RPTOR: variants seen among roughly 807,000 people sequenced by gnomAD.
RPTOR encodes regulatory-associated protein of mTOR.
In RPTOR, 21 loss-of-function variants were observed where a neutral mutation model predicts 169.9. The ratio of observed to expected loss-of-function variants is 0.12; its 90% confidence interval spans 0.09 to 0.18. The LOEUF (loss-of-function observed/expected upper bound fraction) is 0.18, where lower values mean the gene tolerates loss of function less well. Ranked by LOEUF, RPTOR falls within the 10% of genes least tolerant of loss-of-function variation. The probability of loss-of-function intolerance (pLI) is 1.00; values close to 1 mark genes in which losing one functional copy is unlikely to be tolerated. For synonymous variants in RPTOR, 732 were observed against 753.2 expected, an observed-to-expected ratio of 0.97 and a Z score of 0.46; for missense variants, 1,133 against 1,855.9, an observed-to-expected ratio of 0.61 and a Z score of 7.16.
At position 80,860,105 on chromosome 17, in the gene RPTOR, A is replaced by AC. The variant is rs1350435588; in HGVS notation, c.1509+2205_1509+2206insC. On this transcript the variant is annotated intron_variant, in intron 13 of 33. Transcript: ENST00000306801. The surrounding 1 kb of genome is among the most constrained non-coding windows in gnomAD (Gnocchi z 5.8). ...GGTGAGGGGAGAGTGGACGGAGCTTAAGCCCCCGGGGCTCCTGCCTGCTGC... is the reference window on the plus strand; with the variant it reads ...GGTGAGGGGAGAGTGGACGGAGCTTACAGCCCCCGGGGCTCCTGCCTGCTGC... 3.2e-4 allele frequency among the ~76,000 whole-genome samples: 48 copies of AC among 152,270 alleles called. No individual in the cohort carries two copies. The highest frequency in any genetic ancestry group is 1.2e-3 in the African/African-American group (48 of 41,542).
intron 13 of RPTOR, among the ~76,000 whole-genome samples, chr17:80,858,593 G>T (rs1045670729): frequency 6.6e-6 from 1 of 152,204 alleles, no homozygotes; most frequent in African/African-American, 2.4e-5. Flanking sequence ...CTGTTGTGAG[G>T]CAGGGTCACC....
intron 2 of RPTOR, among the ~76,000 whole-genome samples, chr17:80,635,042 A>G (rs1447069205): frequency 6.6e-6 from 1 of 152,090 alleles, no homozygotes; most frequent in Admixed American, 6.5e-5. Flanking sequence ...GGGGTTTTCC[A>G]TATTTGTAGC....
intron 1 of RPTOR, among the ~76,000 whole-genome samples, chr17:80,614,986 T>C (rs1206946414): frequency 6.6e-6 from 1 of 152,198 alleles, no homozygotes; most frequent in Non-Finnish European, 1.5e-5. Flanking sequence ...TAGGATTCCT[T>C]TGAATAGTTG....
intron 13 of RPTOR, among the ~76,000 whole-genome samples, chr17:80,874,020 C>T (rs994387953): frequency 5.9e-5 from 9 of 152,254 alleles, no homozygotes; most frequent in Admixed American, 3.3e-4. Context: ...GGGCAGAGGA[C>T]GTCTCAGTCT....
rs2066330472 is a variant in RPTOR at position 80,726,051 on chromosome 17, C to T, written c.508-4509C>T. Among the ~76,000 whole-genome samples, 1 of 152,136 alleles carries T rather than the reference C, an allele frequency of 6.6e-6. No homozygotes were observed. Among genetic ancestry groups the T allele is most frequent in the Admixed American group, 6.5e-5 (1 of 15,276 alleles). On this transcript the variant is annotated intron_variant, in intron 4 of 33. Transcript: ENST00000306801. This position sits in a 1 kb window ranked among gnomAD's most constrained non-coding sequence, Gnocchi z 4.5. ...TTGTGTGGTGCACAGGGCAGCCCCA[C>T]AAGGAGCGGCCCGGCCCCAAATGGC...
intron 10 of RPTOR, among the ~76,000 whole-genome samples, chr17:80,839,315 T>C (rs2067601250): frequency 6.6e-6 from 1 of 152,236 alleles, no homozygotes; most frequent in African/African-American, 2.4e-5. Context: ...CCATTATTGC[T>C]TGATTTTTTT....
At chr17:80,908,212 C>A (rs1459532543) in intron 20 of RPTOR, among the ~76,000 whole-genome samples, 1 of 152,204 alleles carries the variant, frequency 6.6e-6, no homozygotes, top group African/African-American at 2.4e-5. Context: ...GTCTTTGTAT[C>A]CGAGTATGCA....
intron 5 of RPTOR, among the ~76,000 whole-genome samples, chr17:80,741,732 C>T (rs766001845): frequency 4.6e-5 from 7 of 152,124 alleles, no homozygotes; most frequent in Admixed American, 3.3e-4. Context: ...AGAAGGTGGT[C>T]GGTGTCATCC....
intron 3 of RPTOR, among the ~76,000 whole-genome samples, chr17:80,672,499 A>C (rs1224533019): frequency 2.0e-5 from 3 of 152,060 alleles, no homozygotes; most frequent in Non-Finnish European, 4.4e-5. Context: ...TAAAAAACAA[A>C]CTTCTCAGCC....
intron 9 of RPTOR, among the ~76,000 whole-genome samples, chr17:80,829,210 G>A (rs944916915): frequency 3.3e-5 from 5 of 152,080 alleles, no homozygotes; most frequent in African/African-American, 1.2e-4. Flanking sequence ...GAGACACACA[G>A]AAGAAATCAT....
intron 12 of RPTOR, among the ~76,000 whole-genome samples, chr17:80,857,131 T>TG (rs2067861044): frequency 6.6e-6 from 1 of 152,218 alleles, no homozygotes; most frequent in Non-Finnish European, 1.5e-5. Context: ...AGCAGTACTT[T>TG]GCCAGGCATC....
chr17:80,634,047 G>A (rs191212259), intron 2 of RPTOR, among the ~76,000 whole-genome samples: 2 of 152,300 alleles, frequency 1.3e-5, no homozygotes, highest in Non-Finnish European at 2.9e-5. Context: ...ACAGAGCAAG[G>A]AAATGCATGT....
At position 80,846,475 on chromosome 17, in the gene RPTOR, C is replaced by T. The variant is rs2067731941; in HGVS notation, c.1215C>T (p.His405=). 1.2e-6 allele frequency: 2 copies of T among 1,613,996 alleles called. No homozygotes were observed. The highest frequency in any genetic ancestry group is 1.7e-6 in the Non-Finnish European group (2 of 1,179,988). ...TIIEEGTAFR[H]SPFFAEQLTA... ...CACCTGTTCTGCTTGCCCCGCAGCA[C>T]AGCCCGTTCTTCGCCGAGCAGCTGA... Residue 405 remains histidine, a splice_region_variant and synonymous_variant, in exon 11 of 34, where the codon CAC becomes CAT. Transcript: ENST00000306801.
chr17:80,873,109 CCA>C (rs57602074), intron 13 of RPTOR, among the ~76,000 whole-genome samples: 49,903 of 151,660 alleles, frequency 0.33, 10,054 homozygotes, highest in African/African-American at 0.57. Flanking sequence ...GAGAAAGGCA[CCA>C]CAGTTTTGAC....
intron 1 of RPTOR, among the ~76,000 whole-genome samples, chr17:80,569,790 T>C (rs897749938): frequency 6.6e-6 from 1 of 152,154 alleles, no homozygotes; most frequent in Non-Finnish European, 1.5e-5. Context: ...AGAGAAGCCT[T>C]TACTTTTGGT....
Position 80,616,560 on chromosome 17 carries a change from G to A in RPTOR, c.163-9131G>A, listed in dbSNP as rs1021890020. The stretch of plus-strand genomic sequence containing the variant: ...GATCTGCCTGCTTCGGCCTCCCGAC[G>A]TGCAGGGATTATAGGCATGAGCCAC... On this transcript the variant is annotated intron_variant, in intron 1 of 33. Transcript: ENST00000306801. Among the ~76,000 whole-genome samples the A allele has an allele frequency of 2.0e-4, 31 of 152,262 alleles. 1 individual carries two copies. Among genetic ancestry groups the A allele is most frequent in the South Asian group, 1.9e-3 (9 of 4,830 alleles).
intron 4 of RPTOR, among the ~76,000 whole-genome samples, chr17:80,724,676 G>A (rs1006147754): frequency 1.3e-5 from 2 of 152,184 alleles, no homozygotes; most frequent in Non-Finnish European, 2.9e-5. Context: ...AGCCTGTGGT[G>A]GGTTGGAGTT....
At chr17:80,563,286 A>G (rs1297815376) in intron 1 of RPTOR, among the ~76,000 whole-genome samples, 3 of 151,658 alleles carry the variant, frequency 2.0e-5, no homozygotes, top group East Asian at 3.9e-4. Flanking sequence ...AGGTGTGATC[A>G]TAGCTGAGGA....
At chr17:80,686,341 C>T (rs1166221240) in intron 3 of RPTOR, among the ~76,000 whole-genome samples, 83 of 148,866 alleles carry the variant, frequency 5.6e-4, no homozygotes, top group African/African-American at 2.1e-3. Flanking sequence ...CGCCCGCCAC[C>T]ACGCCTGGCT....
Sources: gnomAD v4.1 joint callset for allele counts (sites outside exome capture counted in the v4.1 genomes callset) on GRCh38, gnomAD v4.1.1 for gene constraint, Gnocchi (gnomAD v3.1) non-coding constraint, MANE v1.5 for transcripts, NCBI Gene and HGNC (gene_info 2026-07-23, HGNC 2026-07-21) for gene names.